The following LCLAT1 variants were observed in gnomAD, a reference collection of about 807,000 sequenced individuals.
The protein encoded by LCLAT1 is 1-AGP acyltransferase 8.
LCLAT1 carries 11 observed loss-of-function variants against 30.7 expected under a neutral mutation model. The observed-to-expected ratio is 0.36, with a 90% CI of 0.23 to 0.59. LCLAT1 has a LOEUF of 0.59. Ranked by LOEUF, LCLAT1 falls within the 20% of genes least tolerant of loss-of-function variation. The pLI, the probability that LCLAT1 is intolerant of heterozygous loss-of-function variation, is 0.77. For missense variants in LCLAT1, 402 were observed against 458.6 expected (o/e 0.88, Z 1.13); for synonymous variants, 155 against 151.3 (o/e 1.02, Z -0.18).
At chr2:30,617,090 A>G (rs1668029703) in intron 5 of LCLAT1, among the ~76,000 whole-genome samples, 1 of 152,096 alleles carries the variant, frequency 6.6e-6, no homozygotes, top group African/African-American at 2.4e-5. Flanking sequence ...GTACAGTTAG[A>G]TGTGTTTTAT....
intron 5 of LCLAT1, among the ~76,000 whole-genome samples, chr2:30,599,565 C>T (rs1010237271): frequency 1.3e-5 from 2 of 152,174 alleles, no homozygotes; most frequent in African/African-American, 4.8e-5. Context: ...GTTAAAGTCT[C>T]CCACTATTAC....
chr2:30,578,281 C>A (rs1666075780), intron 5 of LCLAT1, among the ~76,000 whole-genome samples: 1 of 152,082 alleles, frequency 6.6e-6, no homozygotes, highest in Non-Finnish European at 1.5e-5. Context: ...TTATTTATGA[C>A]TTAGATCTTC....
chr2:30,500,103 A>G (rs1171003826), intron 1 of LCLAT1, among the ~76,000 whole-genome samples: 5 of 152,220 alleles, frequency 3.3e-5, no homozygotes, highest in African/African-American at 9.6e-5. Context: ...CATTAGTAAC[A>G]TTTACACCGA....
intron 5 of LCLAT1, among the ~76,000 whole-genome samples, chr2:30,605,257 T>C (rs1667385162): frequency 6.6e-6 from 1 of 152,238 alleles, no homozygotes; most frequent in Admixed American, 6.5e-5. Flanking sequence ...AATTCAATCA[T>C]AATATCCAAA....
At chr2:30,518,115 T>TA (rs995809095) in intron 1 of LCLAT1, among the ~76,000 whole-genome samples, 8 of 152,040 alleles carry the variant, frequency 5.3e-5, no homozygotes, top group African/African-American at 1.2e-4. Context: ...ATACCCTAAG[T>TA]AAAAAAGGCA....
chr2:30,515,602 T>C (rs537148246), intron 1 of LCLAT1, among the ~76,000 whole-genome samples: 1 of 152,234 alleles, frequency 6.6e-6, no homozygotes, highest in Non-Finnish European at 1.5e-5. Context: ...TAGGTTACAC[T>C]TGAAGTAGGC....
intron 1 of LCLAT1, among the ~76,000 whole-genome samples, chr2:30,495,547 G>A (rs927877835): frequency 2.6e-5 from 4 of 151,986 alleles, no homozygotes; most frequent in Admixed American, 6.6e-5. Context: ...TATGCTAGAA[G>A]ATTAAAAAAA....
chr2:30,450,906 C>A (rs1681511100), intron 1 of LCLAT1, among the ~76,000 whole-genome samples: 1 of 152,062 alleles, frequency 6.6e-6, no homozygotes, highest in Non-Finnish European at 1.5e-5. Flanking sequence ...GAAGACACCA[C>A]TAAGAAAATG....
chr2:30,482,442 A>G (rs1207141568), intron 1 of LCLAT1, among the ~76,000 whole-genome samples: 1 of 152,216 alleles, frequency 6.6e-6, no homozygotes, highest in East Asian at 1.9e-4. Context: ...TCTAGTATAT[A>G]TCTTTCCAAA....
At chr2:30,502,967 C>T (rs1309503396) in intron 1 of LCLAT1, among the ~76,000 whole-genome samples, 1 of 152,210 alleles carries the variant, frequency 6.6e-6, no homozygotes, top group Non-Finnish European at 1.5e-5. Flanking sequence ...AACTCACAGG[C>T]AGTGGGCCCA....
At chr2:30,632,083 C>T (rs1455569456) in intron 5 of LCLAT1, among the ~76,000 whole-genome samples, 1 of 152,056 alleles carries the variant, frequency 6.6e-6, no homozygotes, top group Non-Finnish European at 1.5e-5. Context: ...ACAAACAGTG[C>T]AACAGATTTA....
Position 30,640,604 on chromosome 2 carries a change from A to G in LCLAT1, c.1116A>G (p.Ser372=), listed in dbSNP as rs779011040. The change falls in exon 6 of 6, where the codon TCA becomes TCG. Residue 372 remains serine, a synonymous_variant. Transcript: ENST00000379509. ...TACACAAACAGCCACATTTAAATTC[A>G]AAGAAAAATGAGTAAGATTATAAGG... ...RLLHKQPHLN[S]KKNE 1 of 1,602,692 alleles carries G rather than the reference A, an allele frequency of 6.2e-7. No individual in the cohort carries two copies. Among genetic ancestry groups the G allele is most frequent in the Admixed American group, 1.7e-5 (1 of 57,932 alleles).
chr2:30,585,397 G>C (rs976168360), intron 5 of LCLAT1, among the ~76,000 whole-genome samples: 1 of 152,106 alleles, frequency 6.6e-6, no homozygotes, highest in African/African-American at 2.4e-5. Context: ...TTTCACTGGA[G>C]AGGGGAGACT....
intron 1 of LCLAT1, among the ~76,000 whole-genome samples, chr2:30,505,253 G>A (rs1177042833): frequency 6.6e-6 from 1 of 151,578 alleles, no homozygotes; most frequent in Non-Finnish European, 1.5e-5. Flanking sequence ...TCTAAACTGG[G>A]TATACCACTT....
chr2:30,568,020 C>T, intron 4 of LCLAT1, 40 bp from the exon 5 acceptor site: 2 of 1,041,740 alleles, frequency 1.9e-6, no homozygotes, highest in Non-Finnish European at 1.4e-6. Context: ...GTTTATTTCC[C>T]TTTAGTTTAT....
chr2:30,630,680 A>G (rs1476042134), intron 5 of LCLAT1, among the ~76,000 whole-genome samples: 1 of 152,230 alleles, frequency 6.6e-6, no homozygotes, highest in African/African-American at 2.4e-5. Flanking sequence ...ATGTAGGACT[A>G]TCTGTAGTTT....
chr2:30,567,722 A>C (rs141837459), intron 4 of LCLAT1, among the ~76,000 whole-genome samples: 20 of 152,280 alleles, frequency 1.3e-4, no homozygotes, highest in Admixed American at 1.3e-3. Flanking sequence ...CACTATGATA[A>C]ATTTTAAAAC....
intron 5 of LCLAT1, among the ~76,000 whole-genome samples, chr2:30,625,542 T>A (rs1668467394): frequency 6.6e-6 from 1 of 152,140 alleles, no homozygotes; most frequent in Admixed American, 6.6e-5. Context: ...CCAAATTTAC[T>A]TTTCCTCTCA....
chr2:30,471,147 C>CAA, intron 1 of LCLAT1, among the ~76,000 whole-genome samples: 1 of 151,930 alleles, frequency 6.6e-6, no homozygotes, highest in East Asian at 1.9e-4. Flanking sequence ...CTCCTGACCT[C>CAA]GTGATCCACC....
Sources: gnomAD v4.1 joint callset for allele counts (sites outside exome capture counted in the v4.1 genomes callset) on GRCh38, gnomAD v4.1.1 for gene constraint, MANE v1.5 for transcripts, NCBI Gene and HGNC (gene_info 2026-07-23, HGNC 2026-07-21) for gene names.